Variants in TSPAN18 observed in about 807,000 individuals in gnomAD.
TSPAN18 encodes the protein tetraspanin-18.
TSPAN18 carries 14 observed loss-of-function variants against 27.3 expected under a neutral mutation model. The ratio of observed to expected loss-of-function variants is 0.51; its 90% confidence interval spans 0.34 to 0.80. The LOEUF (loss-of-function observed/expected upper bound fraction) is 0.80, where lower values mean the gene tolerates loss of function less well. Ranked by LOEUF, TSPAN18 falls within the 30% of genes least tolerant of loss-of-function variation. The probability of loss-of-function intolerance (pLI) is 0.01; values close to 1 mark genes in which losing one functional copy is unlikely to be tolerated. For synonymous variants in TSPAN18, 143 were observed against 136.5 expected (o/e 1.05, Z -0.33); for missense variants, 268 against 323.9 (o/e 0.83, Z 1.32).
intron 1 of TSPAN18, among the ~76,000 whole-genome samples, chr11:44,732,114 T>G (rs1376831982): frequency 6.6e-6 from 1 of 152,244 alleles, no homozygotes; most frequent in Non-Finnish European, 1.5e-5. Context: ...CTGGGCCCGG[T>G]CCGTGGTCTA....
rs148633126 is a variant in TSPAN18, at chr11:44,845,739, C to T, written c.-152-14589C>T. The stretch of plus-strand genomic sequence containing the variant: ...GAAATGGGTGAGCCTGTTGCCTGAT[C>T]CCAGATCCCAGACCTGTGTTCTGTC... On this transcript the variant is annotated intron_variant, in intron 2 of 9. Coordinates refer to ENST00000520358, the MANE Select transcript of TSPAN18 (RefSeq NM_130783.5). Among the ~76,000 whole-genome samples, 944 of 152,356 alleles carry T rather than the reference C, an allele frequency of 6.2e-3. 13 individuals carry two copies. The highest frequency in any genetic ancestry group is 0.022 in the African/African-American group (900 of 41,584).
chr11:44,785,906 T>C (rs753577543), intron 2 of TSPAN18, among the ~76,000 whole-genome samples: 3 of 152,194 alleles, frequency 2.0e-5, no homozygotes, highest in Non-Finnish European at 4.4e-5. Flanking sequence ...ACTTGCTACT[T>C]GCTATTTGTG....
chr11:44,734,777 T>A (rs1471249284), intron 1 of TSPAN18, among the ~76,000 whole-genome samples: 1 of 152,054 alleles, frequency 6.6e-6, no homozygotes, highest in Non-Finnish European at 1.5e-5. Context: ...TGAGAGAGGC[T>A]CCCCCACCCC....
At position 44,932,407 on chromosome 11, in the gene TSPAN18, T is replaced by A. The variant is rs1180636901; in HGVS notation, c.*3229T>A. The A allele has an allele frequency of 6.6e-6, 1 of 152,400 alleles. No individual in the cohort carries two copies. Among genetic ancestry groups the A allele is most frequent in the East Asian group, 1.9e-4 (1 of 5,188 alleles). 9.4% of individuals were successfully genotyped at this position (152,400 alleles called of 1,614,324 possible). On this transcript the variant is annotated 3_prime_UTR_variant, in exon 10 of 10. Coordinates refer to ENST00000520358, the MANE Select transcript of TSPAN18 (RefSeq NM_130783.5). ...TACAAAAAGAAAAAGGAACAAAGAA[T>A]AAATAGTGACCGTGAAGAAAGGTGG...
intron 3 of TSPAN18, among the ~76,000 whole-genome samples, chr11:44,895,389 G>C (rs1859004801): frequency 6.6e-6 from 1 of 152,158 alleles, no homozygotes; most frequent in Non-Finnish European, 1.5e-5. Context: ...TTTCCAAGGA[G>C]AACCTAGCAC....
chr11:44,766,656 CCAGGGAG>C (rs1368338830), intron 2 of TSPAN18, among the ~76,000 whole-genome samples: 1 of 152,196 alleles, frequency 6.6e-6, no homozygotes, highest in African/African-American at 2.4e-5. Context: ...GGAGGACAGC[CCAGGGAG>C]CAGAGCTATT....
intron 2 of TSPAN18, among the ~76,000 whole-genome samples, chr11:44,769,836 T>C (rs1855650922): frequency 6.6e-6 from 1 of 152,236 alleles, no homozygotes; most frequent in Admixed American, 6.5e-5. Context: ...CAGAGTTCTA[T>C]TGATTTTATA....
Position 44,810,782 on chromosome 11 carries a change from A to G in TSPAN18, c.-153+46270A>G, listed in dbSNP as rs184886296. Among the ~76,000 whole-genome samples, 128 of 150,576 alleles carry G rather than the reference A, an allele frequency of 8.5e-4. 1 individual carries two copies. The highest frequency in any genetic ancestry group is 2.8e-3 in the African/African-American group (115 of 40,962). Reference sequence around the variant, plus strand: ...CACCACACCCAGCTAATTTTTTGTTATTTTTTTGCAGGAAGGGGGTTTTGC... The same window carrying G: ...CACCACACCCAGCTAATTTTTTGTTGTTTTTTTGCAGGAAGGGGGTTTTGC... On this transcript the variant is annotated intron_variant, in intron 2 of 9. Coordinates refer to ENST00000520358, the MANE Select transcript of TSPAN18 (RefSeq NM_130783.5).
At chr11:44,879,852 G>A (rs1307518760) in intron 3 of TSPAN18, among the ~76,000 whole-genome samples, 2 of 152,228 alleles carry the variant, frequency 1.3e-5, no homozygotes, top group African/African-American at 2.4e-5. Context: ...AGCGTGTCCC[G>A]TTGTCCTCTG....
intron 2 of TSPAN18, among the ~76,000 whole-genome samples, chr11:44,808,404 C>T (rs911928846): frequency 6.6e-6 from 1 of 152,202 alleles, no homozygotes; most frequent in Non-Finnish European, 1.5e-5. Context: ...CCAGAAAATC[C>T]TATGCCTGTG....
At chr11:44,817,932 C>T (rs1212150819) in intron 2 of TSPAN18, among the ~76,000 whole-genome samples, 1 of 152,202 alleles carries the variant, frequency 6.6e-6, no homozygotes, top group African/African-American at 2.4e-5. Flanking sequence ...GACAACAGTC[C>T]TCAGTGGGAA....
At chr11:44,889,981 T>C (rs1028450292) in intron 3 of TSPAN18, among the ~76,000 whole-genome samples, 1 of 152,196 alleles carries the variant, frequency 6.6e-6, no homozygotes, top group African/African-American at 2.4e-5. Flanking sequence ...GGGGCTGCCC[T>C]AGGCAGGAAG....
chr11:44,743,603 T>C (rs1013195701), intron 1 of TSPAN18, among the ~76,000 whole-genome samples: 3 of 152,172 alleles, frequency 2.0e-5, no homozygotes, highest in African/African-American at 7.2e-5. Context: ...TGGGAAGATG[T>C]GTGCTCCGAG....
intron 2 of TSPAN18, among the ~76,000 whole-genome samples, chr11:44,830,961 G>A (rs1260950180): frequency 1.3e-5 from 2 of 152,126 alleles, no homozygotes; most frequent in East Asian, 1.9e-4. Flanking sequence ...AAATGCCACT[G>A]TGCCGGCCGG....
At chr11:44,826,160 C>T (rs931745078) in intron 2 of TSPAN18, among the ~76,000 whole-genome samples, 15 of 152,218 alleles carry the variant, frequency 9.9e-5, no homozygotes, top group Admixed American at 1.3e-4. Flanking sequence ...TGGTGGCTTA[C>T]GCCTGTAATC....
rs549939054 is a variant in TSPAN18, at chr11:44,879,665, C to T, written c.-11+19196C>T. On this transcript the variant is annotated intron_variant, in intron 3 of 9. Coordinates refer to ENST00000520358, the MANE Select transcript of TSPAN18 (RefSeq NM_130783.5). ...GCTGGAACAGGGTGAGGAGGGTGGT[C>T]GGAGGTAAGCCCAACAAGGCAGGGC... 3.2e-4 allele frequency among the ~76,000 whole-genome samples: 48 copies of T among 152,254 alleles called. 1 individual carries two copies. The highest frequency in any genetic ancestry group is 1.1e-3 in the African/African-American group (47 of 41,560).
intron 2 of TSPAN18, among the ~76,000 whole-genome samples, chr11:44,806,076 C>G (rs966560194): frequency 6.6e-6 from 1 of 151,190 alleles, no homozygotes; most frequent in African/African-American, 2.4e-5. Flanking sequence ...GCTCTATCCC[C>G]CAGGCTGGAG....
At chr11:44,785,203 T>C (rs1856026224) in intron 2 of TSPAN18, among the ~76,000 whole-genome samples, 1 of 152,154 alleles carries the variant, frequency 6.6e-6, no homozygotes, top group African/African-American at 2.4e-5. Flanking sequence ...ATACACTGAA[T>C]ACATGAGTAC....
At chr11:44,782,808 T>C (rs905444485) in intron 2 of TSPAN18, among the ~76,000 whole-genome samples, 1 of 152,348 alleles carries the variant, frequency 6.6e-6, no homozygotes, top group East Asian at 1.9e-4. Flanking sequence ...TTGAACACTT[T>C]CTTTTGTAAA....
Sources: allele counts gnomAD v4.1 joint callset (sites outside exome capture counted in the v4.1 genomes callset), GRCh38; gene constraint gnomAD v4.1.1; transcripts MANE v1.5; gene names NCBI Gene and HGNC (gene_info 2026-07-23, HGNC 2026-07-21).